TEF: variants seen among roughly 807,000 people sequenced by gnomAD.
The protein encoded by TEF is thyrotroph embryonic factor.
TEF carries 3 observed loss-of-function variants against 20.8 expected under a neutral mutation model. That is an observed-to-expected ratio of 0.14 (90% CI 0.07 to 0.37). TEF has a LOEUF of 0.37. Among genes scored for constraint, TEF ranks in the 10% least tolerant of loss-of-function variants. The probability of loss-of-function intolerance (pLI) is 1.00; values close to 1 mark genes in which losing one functional copy is unlikely to be tolerated. For missense variants in TEF, 296 were observed against 397.9 expected (o/e 0.74, Z 2.18); for synonymous variants, 180 against 171.1 (o/e 1.05, Z -0.41).
At chr22:41,380,773 C>T (rs1267549261), upstream of TEF, among the ~76,000 whole-genome samples, 2 of 152,206 alleles carry the variant, frequency 1.3e-5, no homozygotes, top group Admixed American at 6.5e-5. Flanking sequence ...TTACGGATTT[C>T]TGCGGAACTC....
chr22:41,391,535 C>T lies in TEF; in HGVS notation c.476-2561C>T, dbSNP rs112228818. Among the ~76,000 whole-genome samples, 263 of 151,616 alleles carry T rather than the reference C, an allele frequency of 1.7e-3. 2 individuals carry two copies. Among genetic ancestry groups the T allele is most frequent in the African/African-American group, 6.2e-3 (257 of 41,272 alleles). ...TTCATCGTATTGGTCAGGCTGGTCT[C>T]GAACTCCTGACCTCAGGTGATCCAC... is the stretch of plus-strand genomic sequence containing the variant. On this transcript the variant is annotated intron_variant, in intron 2 of 3. Coordinates refer to ENST00000266304, the MANE Select transcript of TEF (RefSeq NM_003216.4).
rs34394084 is a variant in TEF, at chr22:41,373,767, C to CTTT, written c.67+6183_67+6185dup. On this transcript the variant is annotated intron_variant, in intron 1 of 3. Transcript: ENST00000406644. ...ACAGTCGTAAGTCACCACGCCCGGACTTTTTTTTTTTTTTTTTGGAGACGG... is the reference window on the plus strand; with the variant it reads ...ACAGTCGTAAGTCACCACGCCCGGACTTTTTTTTTTTTTTTTTTTTGGAGACGG... 3.8e-4 allele frequency among the ~76,000 whole-genome samples: 48 copies of CTTT among 125,580 alleles called. 7 individuals are homozygous for CTTT. Among genetic ancestry groups the CTTT allele is most frequent in the East Asian group, 4.8e-4 (2 of 4,150 alleles). The allele number at this position is 125,580 out of a possible 152,430, so 82.4% of individuals were successfully genotyped here.
upstream of TEF, among the ~76,000 whole-genome samples, chr22:41,381,551 T>G (rs2037022764): frequency 6.6e-6 from 1 of 151,946 alleles, no homozygotes; most frequent in African/African-American, 2.4e-5. Flanking sequence ...TCGGGAAGGT[T>G]GCAAGTCGGG....
rs1158282414 is a variant in TEF, at chr22:41,398,848, T to G, written c.*2888T>G. ...CTCTGAAGCTGGGCAGCCCTCTACC[T>G]GGGCCCCGGGAGCCGTGCTCCTTGG... On this transcript the variant is annotated 3_prime_UTR_variant, in exon 4 of 4. Coordinates refer to ENST00000266304, the MANE Select transcript of TEF (RefSeq NM_003216.4). 3.3e-5 allele frequency: 5 copies of G among 152,610 alleles called. No individual in the cohort carries two copies. The highest frequency in any genetic ancestry group is 7.3e-5 in the Non-Finnish European group (5 of 68,046). 9.5% of individuals were successfully genotyped at this position (152,610 alleles called of 1,614,324 possible).
intron 1 of TEF, among the ~76,000 whole-genome samples, chr22:41,373,387 T>TA (rs2036904978): frequency 6.6e-6 from 1 of 152,200 alleles, no homozygotes; most frequent in Non-Finnish European, 1.5e-5. Context: ...TAACCACTAA[T>TA]AGCTTATTGT....
intron 1 of TEF, chr22:41,369,315 G>T: frequency 8.6e-6 from 8 of 929,890 alleles, no homozygotes; most frequent in Non-Finnish European, 7.7e-6. Context: ...ACCGCCCAAG[G>T]TTTCAGGCAG....
At chr22:41,377,729 C>A (rs1468353724), upstream of TEF, among the ~76,000 whole-genome samples, 1 of 152,184 alleles carries the variant, frequency 6.6e-6, no homozygotes, top group African/African-American at 2.4e-5. Flanking sequence ...TTGCAACGCT[C>A]CTGCAGTATT....
rs1275544993 is a variant in TEF, at chr22:41,396,016, G to A, written c.*56G>A. The A allele has an allele frequency of 3.8e-6, 6 of 1,562,772 alleles. No individual in the cohort carries two copies. Among genetic ancestry groups the A allele is most frequent in the South Asian group, 1.2e-5 (1 of 86,162 alleles). On this transcript the variant is annotated 3_prime_UTR_variant, in exon 4 of 4. Coordinates refer to ENST00000266304, the MANE Select transcript of TEF (RefSeq NM_003216.4). ...CTGCACCTCAGACCTCTGCCTGGGG[G>A]CTCCCTGTAACCCCTCACACGCGTG...
chr22:41,376,737 G>A (rs1286251152), intron 1 of TEF, among the ~76,000 whole-genome samples: 1 of 152,158 alleles, frequency 6.6e-6, no homozygotes, highest in Non-Finnish European at 1.5e-5. Flanking sequence ...GGAAGGGGAA[G>A]GGTGGGTACC....
chr22:41,394,411 C>T (rs1010066645), intron 3 of TEF, 95 bp downstream of exon 3: 3 of 1,204,004 alleles, frequency 2.5e-6, no homozygotes, highest in Non-Finnish European at 3.5e-6. Context: ...GAGAGCCTTC[C>T]CTCCTTGTGA....
chr22:41,375,742 T>A (rs2036933829), intron 1 of TEF, among the ~76,000 whole-genome samples: 1 of 148,052 alleles, frequency 6.8e-6, no homozygotes. Context: ...AAAAAAAAAA[T>A]TGCTCCAAAT....
At chr22:41,383,615 C>T (rs888741577) in intron 1 of TEF, among the ~76,000 whole-genome samples, 2 of 152,230 alleles carry the variant, frequency 1.3e-5, no homozygotes, top group African/African-American at 4.8e-5. Flanking sequence ...TTTTGACCCT[C>T]AGTTTGGTGC....
At position 41,398,876 on chromosome 22, in the gene TEF, C is replaced by T. The variant is rs2037261389; in HGVS notation, c.*2916C>T. ...GCCCCGGGAGCCGTGCTCCTTGGAA[C>T]GCAAAGGGCCGAGGAGCATCTGGTT... On this transcript the variant is annotated 3_prime_UTR_variant, in exon 4 of 4. Coordinates refer to ENST00000266304, the MANE Select transcript of TEF (RefSeq NM_003216.4). 6.6e-6 allele frequency: 1 copy of T among 152,664 alleles called. No individual in the cohort carries two copies. The highest frequency in any genetic ancestry group is 2.4e-5 in the African/African-American group (1 of 41,454). The allele number at this position is 152,664 out of a possible 1,614,324, so 9.5% of individuals were successfully genotyped here.
chr22:41,367,507 G>A, exon 1 of TEF: 4 of 1,550,012 alleles, frequency 2.6e-6, no homozygotes, highest in Non-Finnish European at 3.5e-6. Flanking sequence ...TGTGTGAGCT[G>A]CGACTGGTTC....
At position 41,387,553 on chromosome 22, in the gene TEF, C is replaced by G; in HGVS notation, c.360C>G (p.Asn120Lys). 5 of 1,614,220 alleles carry G rather than the reference C, an allele frequency of 3.1e-6. No homozygotes were observed. The highest frequency in any genetic ancestry group is 4.2e-6 in the Non-Finnish European group (5 of 1,180,028). The change falls in exon 2 of 4, where the codon AAC (asparagine) becomes AAG (lysine). Residue 120 changes from asparagine (N) to lysine (K), a missense_variant. Physicochemically the swap from Asn to Lys is moderately conservative, Grantham distance 94 (BLOSUM62 0). Coordinates refer to ENST00000266304, the MANE Select transcript of TEF (RefSeq NM_003216.4). Reference sequence around the variant, plus strand: ...CCAGCCCCACCCACCTGGCCCACAACCTGCTGCTGCCTGTAGCAGAGCTAG... The same window carrying G: ...CCAGCCCCACCCACCTGGCCCACAAGCTGCTGCTGCCTGTAGCAGAGCTAG... ...IPASPTHLAH[N>K]LLLPVAELEG...
intron 1 of TEF, chr22:41,369,914 A>C: frequency 1.0e-6 from 1 of 985,338 alleles, no homozygotes; most frequent in Non-Finnish European, 1.2e-6. Flanking sequence ...ATGACTGTTT[A>C]CAAACTCCCC....
intron 1 of TEF, among the ~76,000 whole-genome samples, chr22:41,376,469 C>G (rs921616974): frequency 6.6e-6 from 1 of 152,184 alleles, no homozygotes; most frequent in Non-Finnish European, 1.5e-5. Context: ...CTTAAGTGAG[C>G]CATCCGCCTC....
intron 1 of TEF, among the ~76,000 whole-genome samples, chr22:41,370,599 GAC>G (rs2036872788): frequency 1.3e-5 from 2 of 151,114 alleles, no homozygotes; most frequent in African/African-American, 4.9e-5. Context: ...TTTTAGTAGA[GAC>G]AGGTTTCACC....
At chr22:41,370,126 T>A (rs1333940281) in intron 1 of TEF, 12 of 984,474 alleles carry the variant, frequency 1.2e-5, no homozygotes, top group Non-Finnish European at 1.4e-5. Context: ...CCCCCTTTTT[T>A]TTTTTTGAGA....
Sources: gnomAD v4.1 joint callset for allele counts (sites outside exome capture counted in the v4.1 genomes callset) on GRCh38, gnomAD v4.1.1 for gene constraint, MANE v1.5 for transcripts, NCBI Gene and HGNC (gene_info 2026-07-23, HGNC 2026-07-21) for gene names.